The following FUCA1 variants were observed in gnomAD, a reference collection of about 807,000 sequenced individuals.
FUCA1 encodes alpha-L-fucosidase 1.
In FUCA1, 52 loss-of-function variants were observed where a neutral mutation model predicts 56.8. That is an observed-to-expected ratio of 0.92 (90% CI 0.73 to 1.15). The LOEUF is 1.15. Ranked by LOEUF, FUCA1 falls within the 50% of genes most tolerant of loss-of-function variation. The probability of loss-of-function intolerance (pLI) is 0.00; values close to 1 mark genes in which losing one functional copy is unlikely to be tolerated. For missense variants in FUCA1, 568 were observed against 592.6 expected, an observed-to-expected ratio of 0.96 and a Z score of 0.43; for synonymous variants, 230 against 226.6, an observed-to-expected ratio of 1.02 and a Z score of -0.14.
rs747625633 is a variant in FUCA1, at chr1:23,865,570, C to T, written c.445G>A (p.Val149Met). 1 of 1,614,208 alleles carries T rather than the reference C, an allele frequency of 6.2e-7. No homozygotes were observed. Among genetic ancestry groups the T allele is most frequent in the Non-Finnish European group, 8.5e-7 (1 of 1,180,048 alleles). Reference sequence around the variant, plus strand: ...TCTTTGGAGTTCCAGTTCCAAGACACAGGACTCGGCCAGTTTGTGAAGCCT... The same window carrying T: ...TCTTTGGAGTTCCAGTTCCAAGACATAGGACTCGGCCAGTTTGTGAAGCCT... ...HEGFTNWPSP[V>M]SWNWNSKDVG... The change falls in exon 2 of 8, where the codon GTG becomes ATG. Residue 149 changes from valine (V) to methionine (M), a missense_variant. Physicochemically the swap from Val to Met is conservative, Grantham distance 21. Coordinates refer to ENST00000374479, the MANE Select transcript of FUCA1 (RefSeq NM_000147.5).
chr1:23,850,221 CA>C (rs1639227469), intron 5 of FUCA1, among the ~76,000 whole-genome samples: 1 of 145,964 alleles, frequency 6.9e-6, no homozygotes, highest in African/African-American at 2.5e-5. Context: ...GAGGCTGAGG[CA>C]AGAGAATCAC....
chr1:23,862,324 C>G (rs1639526683), intron 3 of FUCA1, among the ~76,000 whole-genome samples: 1 of 152,168 alleles, frequency 6.6e-6, no homozygotes, highest in African/African-American at 2.4e-5. Context: ...CACCAGCATG[C>G]CTGGCCAATT....
intron 3 of FUCA1, among the ~76,000 whole-genome samples, chr1:23,861,732 C>G (rs1639517098): frequency 6.6e-6 from 1 of 152,134 alleles, no homozygotes; most frequent in Admixed American, 6.6e-5. Context: ...ATTTGAGCAG[C>G]AAGACTTTGA....
In FUCA1 at chr1:23,845,561, G is replaced by T; in HGVS notation, c.*154C>A. On this transcript the variant is annotated 3_prime_UTR_variant, in exon 8 of 8. Coordinates refer to ENST00000374479, the MANE Select transcript of FUCA1 (RefSeq NM_000147.5). ...AGATCTTTGGTCCATTTAGACATCA[G>T]GGTAATGTACTCAGTTCCTTTAATT... 1 of 831,314 alleles carries T rather than the reference G, an allele frequency of 1.2e-6. No homozygotes were observed. The highest frequency in any genetic ancestry group is 2.0e-6 in the Non-Finnish European group (1 of 495,404). 51.5% of individuals were successfully genotyped at this position (831,314 alleles called of 1,614,324 possible).
Position 23,867,901 on chromosome 1 carries a change from G to A in FUCA1, c.386C>T (p.Ala129Val), listed in dbSNP as rs1442487694. 6.5e-7 allele frequency: 1 copy of A among 1,547,414 alleles called. No homozygotes were observed. The highest frequency in any genetic ancestry group is 1.4e-5 in the African/African-American group (1 of 72,950). ...EWADLFQAAGAKYVVLTTKHH... is the reference protein window; with the variant it reads ...EWADLFQAAGVKYVVLTTKHH... ...CGCTCCCCGGGACCACACTCACTTG[G>A]CGCCCGCGGCCTGGAAGAGGTCGGC... is the stretch of plus-strand genomic sequence containing the variant. The change falls in exon 1 of 8, where the codon GCC becomes GTC. Residue 129 changes from alanine to valine, a missense_variant. Ala to Val is a moderately conservative substitution (Grantham distance 64). Coordinates refer to ENST00000374479, the MANE Select transcript of FUCA1 (RefSeq NM_000147.5). This position sits in a 1 kb window ranked among gnomAD's most constrained non-coding sequence, Gnocchi z 4.9.
intron 4 of FUCA1, among the ~76,000 whole-genome samples, chr1:23,858,101 G>A (rs906288641): frequency 1.3e-4 from 19 of 151,798 alleles, no homozygotes; most frequent in African/African-American, 4.6e-4. Flanking sequence ...GTCTCACTCT[G>A]TCGCCCAGGC....
rs199940255 is a variant in FUCA1, at chr1:23,868,007, G to A, written c.280C>T (p.Arg94Cys). 7.5e-6 allele frequency: 12 copies of A among 1,606,214 alleles called. No individual in the cohort carries two copies. In the African/African-American group the frequency reaches 1.5e-4, roughly 20 times the overall value. ...EGRPQYQRFM[R>C]DNYPPGFSYA... Reference sequence around the variant, plus strand: ...CTGAAGCCGGGCGGGTAGTTGTCGCGCATGAAGCGCTGGTACTGCGGCCGC... The same window carrying A: ...CTGAAGCCGGGCGGGTAGTTGTCGCACATGAAGCGCTGGTACTGCGGCCGC... Residue 94 changes from arginine to cysteine, a missense_variant, in exon 1 of 8, where the codon CGC (arginine) becomes TGC (cysteine). Transcript: ENST00000374479.
In FUCA1 at chr1:23,845,642, T is replaced by C; in HGVS notation, c.*73A>G. ...GAGAAGAGAAGTTCGTTGATTATAG[T>C]GATGGTACTATAAGAGAAAAACTGA... On this transcript the variant is annotated 3_prime_UTR_variant, in exon 8 of 8. Transcript: ENST00000374479. 1 of 1,579,914 alleles carries C rather than the reference T, an allele frequency of 6.3e-7. No homozygotes were observed. The highest frequency in any genetic ancestry group is 1.3e-5 in the African/African-American group (1 of 74,340).
chr1:23,861,111 C>T (rs1639501233), intron 3 of FUCA1, among the ~76,000 whole-genome samples: 1 of 151,228 alleles, frequency 6.6e-6, no homozygotes, highest in South Asian at 2.1e-4. Flanking sequence ...ATCACGAGGT[C>T]GGGAGATCGA....
chr1:23,854,046 C>T (rs1219089047), intron 5 of FUCA1, among the ~76,000 whole-genome samples: 2 of 150,020 alleles, frequency 1.3e-5, no homozygotes, highest in African/African-American at 2.5e-5. Flanking sequence ...TGAGAAACAC[C>T]CAAGAATGAT....
intron 5 of FUCA1, among the ~76,000 whole-genome samples, chr1:23,853,564 A>G (rs1639322115): frequency 6.6e-6 from 1 of 152,022 alleles, no homozygotes; most frequent in Non-Finnish European, 1.5e-5. Flanking sequence ...TGGGAGGTGT[A>G]CCGAACAGCT....
chr1:23,853,849 C>T (rs1409920311), intron 5 of FUCA1, among the ~76,000 whole-genome samples: 1 of 151,850 alleles, frequency 6.6e-6, no homozygotes, highest in African/African-American at 2.4e-5. Flanking sequence ...CTTTGTTAAA[C>T]AGATGCTTGA....
In FUCA1 at chr1:23,863,410, C is replaced by G; in HGVS notation, c.525-139G>C. ...TATAGAGAGGAATGGGATCCAAAACCATTTCCTTAAATTATTCACTATTCA... is the reference window on the plus strand; with the variant it reads ...TATAGAGAGGAATGGGATCCAAAACGATTTCCTTAAATTATTCACTATTCA... On this transcript the variant is annotated intron_variant, in intron 2 of 7. Coordinates refer to ENST00000374479, the MANE Select transcript of FUCA1 (RefSeq NM_000147.5). 4.9e-6 allele frequency: 4 copies of G among 815,826 alleles called. No homozygotes were observed. The South Asian group carries it at 5.7e-5, about 12-fold the overall frequency. 50.5% of individuals were successfully genotyped at this position (815,826 alleles called of 1,614,324 possible). A position where few individuals can be genotyped will look rare whatever the true frequency, so the allele number is the denominator to read the frequency against.
At chr1:23,857,006 AG>A (rs1181306142) in intron 4 of FUCA1, among the ~76,000 whole-genome samples, 1 of 151,532 alleles carries the variant, frequency 6.6e-6, no homozygotes, top group Non-Finnish European at 1.5e-5. Flanking sequence ...AAAAAAGAAA[AG>A]AAAAAAAAAA....
In FUCA1 at chr1:23,864,546, T is replaced by G. The variant is rs16828763; in HGVS notation, c.524+945A>C. 8.9e-3 allele frequency among the ~76,000 whole-genome samples: 1,349 copies of G among 152,278 alleles called. 16 individuals carry two copies. The highest frequency in any genetic ancestry group is 0.027 in the African/African-American group (1,131 of 41,560). ...AAAAAACAACTGAAGTATTTCATCA[T>G]ATGACCCAGGGACTAAATAAAGATG... is the stretch of plus-strand genomic sequence containing the variant. On this transcript the variant is annotated intron_variant, in intron 2 of 7. Transcript: ENST00000374479.
chr1:23,848,110 T>G (rs1218071961), intron 6 of FUCA1, among the ~76,000 whole-genome samples: 1 of 151,994 alleles, frequency 6.6e-6, no homozygotes, highest in Non-Finnish European at 1.5e-5. Flanking sequence ...AAACAGAAAC[T>G]CATCCAAAAC....
At chr1:23,848,423 T>G (rs1456546953) in intron 6 of FUCA1, among the ~76,000 whole-genome samples, 1 of 152,138 alleles carries the variant, frequency 6.6e-6, no homozygotes, top group African/African-American at 2.4e-5. Flanking sequence ...TGATGCTTTG[T>G]TGCTCCTTCC....
At chr1:23,860,497 T>A (rs1259269096) in intron 3 of FUCA1, among the ~76,000 whole-genome samples, 1 of 143,982 alleles carries the variant, frequency 6.9e-6, no homozygotes, top group Non-Finnish European at 1.5e-5. Context: ...GGCAGGAGAA[T>A]GGCGTGAACC....
chr1:23,853,374 C>A (rs531915345), intron 5 of FUCA1, among the ~76,000 whole-genome samples: 1 of 148,480 alleles, frequency 6.7e-6, no homozygotes, highest in Non-Finnish European at 1.5e-5. Flanking sequence ...GCCAGCCGCC[C>A]CGTCCGGGAG....
Sources: gnomAD v4.1 joint callset for allele counts (sites outside exome capture counted in the v4.1 genomes callset) on GRCh38, gnomAD v4.1.1 for gene constraint, Gnocchi (gnomAD v3.1) non-coding constraint, MANE v1.5 for transcripts, NCBI Gene and HGNC (gene_info 2026-07-23, HGNC 2026-07-21) for gene names.